TSBP1: variants seen among roughly 807,000 people sequenced by gnomAD.
TSBP1 encodes testis expressed basic protein 1.
TSBP1 carries 56 observed loss-of-function variants against 68.8 expected under a neutral mutation model. That is an observed-to-expected ratio of 0.81 (90% confidence interval 0.66 to 1.02). The LOEUF is 1.02. Ranked by LOEUF, TSBP1 falls within the 50% of genes least tolerant of loss-of-function variation. TSBP1 has a pLI of 0.00. For synonymous variants in TSBP1, 171 were observed against 208.7 expected, an observed-to-expected ratio of 0.82 and a Z score of 1.56; for missense variants, 502 against 641.2, an observed-to-expected ratio of 0.78 and a Z score of 2.34.
At chr6:32,351,511 A>G (rs912538399) in intron 8 of TSBP1, among the ~76,000 whole-genome samples, 3 of 152,202 alleles carry the variant, frequency 2.0e-5, no homozygotes, top group African/African-American at 7.2e-5. Context: ...GATAAGAAAT[A>G]TAAAAGAGAA....
rs1769994321 is a variant in TSBP1 at position 32,338,911 on chromosome 6, G to A, written c.409+68C>T. On this transcript the variant is annotated intron_variant, in intron 11 of 22. Coordinates refer to ENST00000612031, the Ensembl canonical transcript of TSBP1. This position sits in a 1 kb window ranked among gnomAD's most constrained non-coding sequence, Gnocchi z 5.5. ...AATAAAAAAATCTAGGAATATGAGT[G>A]TCTTACATATTCTAACAGTTTAGTA... is the stretch of plus-strand genomic sequence containing the variant. 23 of 1,180,792 alleles carry A rather than the reference G, an allele frequency of 1.9e-5. No individual in the cohort carries two copies. Among genetic ancestry groups the A allele is most frequent in the Non-Finnish European group, 2.7e-5 (21 of 786,016 alleles). The allele number at this position is 1,180,792 out of a possible 1,614,324, so 73.1% of individuals were successfully genotyped here. A position where few individuals can be genotyped will look rare whatever the true frequency, so the allele number is the denominator to read the frequency against.
intron 9 of TSBP1, among the ~76,000 whole-genome samples, chr6:32,349,244 C>T (rs1341293924): frequency 1.4e-5 from 2 of 147,174 alleles, no homozygotes; most frequent in Admixed American, 6.9e-5. Flanking sequence ...AGTATCAGAA[C>T]CAGGAACGCC....
rs3132943 is a variant in TSBP1 at position 32,340,688 on chromosome 6, A to C, written c.350-1050T>G. Among the ~76,000 whole-genome samples, 116,427 of 152,158 alleles carry C rather than the reference A, an allele frequency of 0.77. 44,797 individuals carry two copies. Among genetic ancestry groups the C allele is most frequent in the South Asian group, 0.88 (4,221 of 4,816 alleles). On this transcript the variant is annotated intron_variant, in intron 9 of 22. Transcript: ENST00000612031. The surrounding 1 kb of genome is among the most constrained non-coding windows in gnomAD (Gnocchi z 4.8). ...GCTGAGCAGGAAAGAGAATCATGAT[A>C]AATTACTGATTTCTGCCACAGGCAA...
chr6:32,328,598 G>A (rs10947252), intron 16 of TSBP1, among the ~76,000 whole-genome samples: 51,075 of 150,910 alleles, frequency 0.34, 9,655 homozygotes, highest in Middle Eastern at 0.52. Context: ...TGTATTTTTA[G>A]TAGAGACGAA....
At chr6:32,345,109 C>T (rs1770845344) in intron 9 of TSBP1, among the ~76,000 whole-genome samples, 1 of 151,742 alleles carries the variant, frequency 6.6e-6, no homozygotes, top group African/African-American at 2.4e-5. Context: ...CCTACTTCGG[C>T]CTCCCAAAGT....
Position 32,292,710 on chromosome 6 carries a change from T to C in TSBP1, c.*271A>G. 1 of 424,412 alleles carries C rather than the reference T, an allele frequency of 2.4e-6. No individual in the cohort carries two copies. The allele number at this position is 424,412 out of a possible 1,614,324, so 26.3% of individuals were successfully genotyped here. ...TTGTCAAAGGAAATTACTATATATTTCTTTAATTAAAATGTTTTACTTCAG... is the reference window on the plus strand; with the variant it reads ...TTGTCAAAGGAAATTACTATATATTCCTTTAATTAAAATGTTTTACTTCAG... On this transcript the variant is annotated 3_prime_UTR_variant, in exon 23 of 23. Transcript: ENST00000612031. The surrounding 1 kb of genome is among the most constrained non-coding windows in gnomAD (Gnocchi z 4.1).
chr6:32,320,215 C>T (rs1767464522), intron 18 of TSBP1: 1 of 456,738 alleles, frequency 2.2e-6, no homozygotes. Context: ...CCTGGGTACA[C>T]TGCCACTTAA....
In TSBP1 at chr6:32,337,483, T is replaced by C. The variant is rs1275935057; in HGVS notation, c.410-848A>G. On this transcript the variant is annotated intron_variant, in intron 11 of 22. Transcript: ENST00000612031. The surrounding 1 kb of genome is among the most constrained non-coding windows in gnomAD (Gnocchi z 5.5). Reference sequence around the variant, plus strand: ...CCTCATCTGAAGGAGACAGTGGGAATTGCTGTCTCTGTAGTGATTTTGGCC... The same window carrying C: ...CCTCATCTGAAGGAGACAGTGGGAACTGCTGTCTCTGTAGTGATTTTGGCC... 2.0e-5 allele frequency among the ~76,000 whole-genome samples: 3 copies of C among 152,200 alleles called. No individual in the cohort carries two copies. The highest frequency in any genetic ancestry group is 7.2e-5 in the African/African-American group (3 of 41,454).
intron 18 of TSBP1, among the ~76,000 whole-genome samples, chr6:32,318,485 A>G (rs1377477068): frequency 6.6e-6 from 1 of 152,262 alleles, no homozygotes; most frequent in Non-Finnish European, 1.5e-5. Context: ...GATACTACTT[A>G]TCATAATATT....
rs471081 is a variant in TSBP1, at chr6:32,325,821, A to T, written c.515-2207T>A. On this transcript the variant is annotated intron_variant, in intron 16 of 22. Coordinates refer to ENST00000612031, the Ensembl canonical transcript of TSBP1. The surrounding 1 kb of genome is among the most constrained non-coding windows in gnomAD (Gnocchi z 4.4). ...GAGGTCGAAGTGGTTCTGGAAACTT[A>T]GGTGGTGGTCATGGAGGTGGTTTCG... 0.4 allele frequency: 516,996 copies of T among 1,286,842 alleles called. 109,624 individuals are homozygous for T. The highest frequency in any genetic ancestry group is 0.56 in the Middle Eastern group (2,122 of 3,812). The allele number at this position is 1,286,842 out of a possible 1,614,324, so 79.7% of individuals were successfully genotyped here. A position where few individuals can be genotyped will look rare whatever the true frequency, so the allele number is the denominator to read the frequency against.
chr6:32,365,105 C>A lies in TSBP1; in HGVS notation c.217+1062G>T, dbSNP rs1214421076. Among the ~76,000 whole-genome samples, 1 of 151,186 alleles carries A rather than the reference C, an allele frequency of 6.6e-6. No individual in the cohort carries two copies. Among genetic ancestry groups the A allele is most frequent in the Non-Finnish European group, 1.5e-5 (1 of 67,888 alleles). On this transcript the variant is annotated intron_variant, in intron 6 of 22. Transcript: ENST00000612031. This position sits in a 1 kb window ranked among gnomAD's most constrained non-coding sequence, Gnocchi z 4.3. Reference sequence around the variant, plus strand: ...CGGAGTCTCACTATGTTGCCCAGGCCAGTCTCGAACTCCTAGTCTCAAGAA... The same window carrying A: ...CGGAGTCTCACTATGTTGCCCAGGCAAGTCTCGAACTCCTAGTCTCAAGAA...
intron 9 of TSBP1, among the ~76,000 whole-genome samples, chr6:32,340,000 A>G (rs1352507336): frequency 2.0e-5 from 3 of 152,260 alleles, no homozygotes; most frequent in Non-Finnish European, 4.4e-5. Context: ...TCGGCAAAGT[A>G]GTAAGCTACT....
chr6:32,368,895 A>G, intron 2 of TSBP1, 81 bp from the exon 3 acceptor site: 2 of 1,482,458 alleles, frequency 1.3e-6, no homozygotes, highest in Non-Finnish European at 1.8e-6. Context: ...TCTCACTCTA[A>G]GCTATGCTTC....
chr6:32,359,941 T>C (rs1772804447), intron 6 of TSBP1, among the ~76,000 whole-genome samples: 3 of 152,112 alleles, frequency 2.0e-5, no homozygotes, highest in African/African-American at 7.2e-5. Flanking sequence ...TTTAAGGTAT[T>C]ACAGTGTGCG....
rs1212704266 is a variant in TSBP1, at chr6:32,365,874, ATGCTTC to A, written c.217+287_217+292del. ...CATCTGTGGATAGTTGTCTAAATTG[ATGCTTC>A]TGTGTGGGAAGAAAGCTCCTATTCT... is the stretch of plus-strand genomic sequence containing the variant. On this transcript the variant is annotated intron_variant, in intron 6 of 22. Transcript: ENST00000612031. The surrounding 1 kb of genome is among the most constrained non-coding windows in gnomAD (Gnocchi z 4.3). 8 of 518,458 alleles carry A rather than the reference ATGCTTC, an allele frequency of 1.5e-5. No individual in the cohort carries two copies. The highest frequency in any genetic ancestry group is 3.7e-6 in the Non-Finnish European group (1 of 269,074). The allele number at this position is 518,458 out of a possible 1,614,324, so 32.1% of individuals were successfully genotyped here.
chr6:32,370,827 A>C (rs1774327594), intron 1 of TSBP1, among the ~76,000 whole-genome samples: 1 of 107,794 alleles, frequency 9.3e-6, no homozygotes, highest in Admixed American at 1.1e-4. Flanking sequence ...GGCAGTGGCT[A>C]TGAAGGATCG....
At position 32,325,593 on chromosome 6, in the gene TSBP1, A is replaced by T; in HGVS notation, c.515-1979T>A. ...AGAAATCACCTAAGAAATTATTTTG[A>T]GTAGTATGGAAAAATTGAAGTGATT... is the stretch of plus-strand genomic sequence containing the variant. On this transcript the variant is annotated intron_variant, in intron 16 of 22. Transcript: ENST00000612031. This position sits in a 1 kb window ranked among gnomAD's most constrained non-coding sequence, Gnocchi z 4.4. The T allele has an allele frequency of 1.1e-6, 1 of 910,338 alleles. No individual in the cohort carries two copies. The highest frequency in any genetic ancestry group is 1.8e-6 in the Non-Finnish European group (1 of 554,100). 56.4% of individuals were successfully genotyped at this position (910,338 alleles called of 1,614,324 possible).
exon 1 of TSBP1, chr6:32,371,707 T>C: frequency 5.0e-6 from 8 of 1,613,556 alleles, no homozygotes; most frequent in Non-Finnish European, 5.9e-6. Context: ...AGACTGTCAT[T>C]TTCCATGTAT....
Position 32,294,045 on chromosome 6 carries a change from C to A in TSBP1, c.638-10G>T. 1 of 1,603,630 alleles carries A rather than the reference C, an allele frequency of 6.2e-7. No individual in the cohort carries two copies. The highest frequency in any genetic ancestry group is 1.7e-5 in the Admixed American group (1 of 59,210). ...TAACCTGTTAATATAACTGAGCATA[C>A]AACAAAAGGGCGTGATTTAGATATC... is the stretch of plus-strand genomic sequence containing the variant. On this transcript the variant is annotated splice_polypyrimidine_tract_variant and intron_variant, in intron 22 of 22. Transcript: ENST00000612031.
Sources: allele counts gnomAD v4.1 joint callset (sites outside exome capture counted in the v4.1 genomes callset), GRCh38; gene constraint gnomAD v4.1.1; non-coding constraint Gnocchi (gnomAD v3.1); transcripts MANE v1.5; gene names NCBI Gene and HGNC (gene_info 2026-07-23, HGNC 2026-07-21).